The following DNAH5 variants were observed in gnomAD, a reference collection of about 807,000 sequenced individuals.
DNAH5 encodes dynein axonemal heavy chain 5.
A neutral mutation model predicts 518.2 loss-of-function variants in DNAH5; 372 were observed. The observed-to-expected ratio is 0.72, with a 90% CI of 0.66 to 0.78. The LOEUF is 0.78. Ranked by LOEUF, DNAH5 falls within the 30% of genes least tolerant of loss-of-function variation. The probability of loss-of-function intolerance (pLI) is 0.00; values close to 1 mark genes in which losing one functional copy is unlikely to be tolerated. For synonymous variants in DNAH5, 2,039 were observed against 2,025.9 expected (o/e 1.01, Z -0.17); for missense variants, 5,523 against 5,687.0 (o/e 0.97, Z 0.93).
In DNAH5 at chr5:13,763,493, TA is replaced by T. The variant is rs1752056526; in HGVS notation, c.10102-593del. Among the ~76,000 whole-genome samples the T allele has an allele frequency of 2.6e-5, 4 of 152,334 alleles. No individual in the cohort carries two copies. The South Asian group carries it at 8.3e-4, about 32-fold the overall frequency. The stretch of plus-strand genomic sequence containing the variant: ...AGAGAATTATTATCTTCTGGTGGGA[TA>T]AAAATTTAAAATAGTAGCAGAAATG... On this transcript the variant is annotated intron_variant, in intron 59 of 78. Coordinates refer to ENST00000265104, the MANE Select transcript of DNAH5 (RefSeq NM_001369.3).
Position 13,721,017 on chromosome 5 carries a change from G to T in DNAH5, c.12262C>A (p.Gln4088Lys), listed in dbSNP as rs1245106080. The T allele has an allele frequency of 6.2e-7, 1 of 1,614,020 alleles. No homozygotes were observed. The highest frequency in any genetic ancestry group is 1.3e-5 in the African/African-American group (1 of 74,924). Residue 4088 changes from glutamine to lysine, a missense_variant, in exon 71 of 79, where the codon CAG (glutamine) becomes AAG (lysine). This residue lies in a region of DNAH5 where 5,121 missense variants were observed against 5,223.3 expected (regional missense o/e 0.98). Coordinates refer to ENST00000265104, the MANE Select transcript of DNAH5 (RefSeq NM_001369.3). ...AGCCTTACGTTCGCCATGGTCTGCT[G>T]CAAGAGCTTCCGAGCATGGACTTCC... ...GQEVHARKLL[Q>K]QTMANGGWAL...
Position 13,841,691 on chromosome 5 carries a change from C to T in DNAH5, c.5484+1G>A. The T allele has an allele frequency of 6.2e-7, 1 of 1,607,198 alleles. No individual in the cohort carries two copies. The highest frequency in any genetic ancestry group is 8.5e-7 in the Non-Finnish European group (1 of 1,173,812). On this transcript the variant is annotated splice_donor_variant, in intron 33 of 78. Coordinates refer to ENST00000265104, the MANE Select transcript of DNAH5 (RefSeq NM_001369.3). LOFTEE classifies it high-confidence loss of function. ...ATACTTTCAAATTTCAATACACTGACCTGAGCAGGGAAGGATGAAAGAAAT... is the reference window on the plus strand; with the variant it reads ...ATACTTTCAAATTTCAATACACTGATCTGAGCAGGGAAGGATGAAAGAAAT...
intron 57 of DNAH5, among the ~76,000 whole-genome samples, 162 bp from the exon 58 acceptor site, chr5:13,769,298 A>C (rs570089656): frequency 4.5e-5 from 6 of 132,220 alleles, no homozygotes; most frequent in Admixed American, 8.8e-5. Context: ...CCCAGGCTGG[A>C]GTGCAGTAGC....
At chr5:13,749,509 C>T (rs1228899595) in intron 65 of DNAH5, among the ~76,000 whole-genome samples, 4 of 152,158 alleles carry the variant, frequency 2.6e-5, no homozygotes, top group African/African-American at 7.2e-5. Flanking sequence ...CAGTGATGGG[C>T]TTATTTTTGT....
chr5:13,753,564 A>G lies in DNAH5; in HGVS notation c.10556-15T>C, dbSNP rs754992743. 11 of 1,604,752 alleles carry G rather than the reference A, an allele frequency of 6.9e-6. No homozygotes were observed. The highest frequency in any genetic ancestry group is 9.4e-6 in the Non-Finnish European group (11 of 1,172,758). ...CAGTACATCCCCTAAAATAGAAAAC[A>G]AACACCATTGAAATACTTTACGTTC... is the stretch of plus-strand genomic sequence containing the variant. On this transcript the variant is annotated splice_polypyrimidine_tract_variant and intron_variant, in intron 62 of 78. Transcript: ENST00000265104.
intron 7 of DNAH5, among the ~76,000 whole-genome samples, chr5:13,918,907 A>G (rs1353123332): frequency 1.3e-5 from 2 of 152,192 alleles, no homozygotes; most frequent in African/African-American, 4.8e-5. Context: ...AAACATAGAT[A>G]TATATATAAA....
Position 13,801,233 on chromosome 5 carries a change from G to A in DNAH5, c.7887+6358C>T, listed in dbSNP as rs370083978. 1.2e-3 allele frequency among the ~76,000 whole-genome samples: 179 copies of A among 152,230 alleles called. 2 individuals are homozygous for A. The highest frequency in any genetic ancestry group is 4.0e-3 in the African/African-American group (168 of 41,540). On this transcript the variant is annotated intron_variant, in intron 47 of 78. Coordinates refer to ENST00000265104, the MANE Select transcript of DNAH5 (RefSeq NM_001369.3). Reference sequence around the variant, plus strand: ...CCCCCCAGTGCTGTCTCATGAGTGAGTTCTCACGAGATCTGGTTGCTTAAA... The same window carrying A: ...CCCCCCAGTGCTGTCTCATGAGTGAATTCTCACGAGATCTGGTTGCTTAAA...
intron 52 of DNAH5, 150 bp from the exon 53 acceptor site, chr5:13,781,109 GA>G: frequency 1.1e-6 from 1 of 948,582 alleles, no homozygotes; most frequent in Non-Finnish European, 1.6e-6. Context: ...TTGAAGGAAT[GA>G]GGGCATTTCT....
At chr5:13,826,245 G>A (rs902654366) in intron 38 of DNAH5, among the ~76,000 whole-genome samples, 14 of 152,176 alleles carry the variant, frequency 9.2e-5, no homozygotes, top group African/African-American at 3.4e-4. Flanking sequence ...TGTGAACATG[G>A]GTGGTAGGAG....
At chr5:13,727,000 A>G (rs1745828106) in intron 70 of DNAH5, among the ~76,000 whole-genome samples, 1 of 152,234 alleles carries the variant, frequency 6.6e-6, no homozygotes, top group Admixed American at 6.5e-5. Flanking sequence ...CATTTAAACC[A>G]TATGTGAAAT....
rs879634414 is a variant in DNAH5 at position 13,842,414 on chromosome 5, AAAG to A, written c.5272-513_5272-511del. ...AAAGAAAGAAACAGAGCGAGAAAGA[AAAG>A]AAAAGAAAAGAAAGAAAGAAAGAAA... On this transcript the variant is annotated intron_variant, in intron 32 of 78. Coordinates refer to ENST00000265104, the MANE Select transcript of DNAH5 (RefSeq NM_001369.3). Among the ~76,000 whole-genome samples the A allele has an allele frequency of 9.2e-3, 1,192 of 128,880 alleles. 13 individuals carry two copies. Among genetic ancestry groups the A allele is most frequent in the Middle Eastern group, 0.022 (6 of 276 alleles). The allele number at this position is 128,880 out of a possible 152,430, so 84.6% of individuals were successfully genotyped here.
Position 13,892,021 on chromosome 5 carries a change from G to A in DNAH5, c.2432-900C>T, listed in dbSNP as rs150395227. The stretch of plus-strand genomic sequence containing the variant: ...TGAAATTGAATACAGGAAAGTCAAC[G>A]TTACATACCAACGCTGTATCGGAGA... On this transcript the variant is annotated intron_variant, in intron 16 of 78. Transcript: ENST00000265104. Among the ~76,000 whole-genome samples the A allele has an allele frequency of 8.5e-5, 13 of 152,210 alleles. No homozygotes were observed. The East Asian group carries it at 1.9e-3, about 23-fold the overall frequency.
chr5:13,876,959 G>T, intron 21 of DNAH5, 142 bp from the exon 22 acceptor site: 1 of 849,750 alleles, frequency 1.2e-6, no homozygotes, highest in Non-Finnish European at 1.8e-6. Flanking sequence ...AATGGAAAGA[G>T]TTGTCAATGT....
intron 47 of DNAH5, among the ~76,000 whole-genome samples, chr5:13,797,288 T>A (rs910125332): frequency 6.6e-6 from 1 of 152,176 alleles, no homozygotes; most frequent in Non-Finnish European, 1.5e-5. Flanking sequence ...GAGAAAATTT[T>A]TGCAATCTAC....
chr5:13,805,149 T>C (rs971181795), intron 47 of DNAH5, among the ~76,000 whole-genome samples: 1 of 152,112 alleles, frequency 6.6e-6, no homozygotes, highest in Non-Finnish European at 1.5e-5. Flanking sequence ...GTTGAAGTTT[T>C]AAGTCACATG....
At chr5:13,835,933 G>A (rs373325681) in intron 35 of DNAH5, among the ~76,000 whole-genome samples, 7 of 152,118 alleles carry the variant, frequency 4.6e-5, no homozygotes, top group African/African-American at 1.7e-4. Flanking sequence ...GGGTGAAAAT[G>A]GTCACATTCT....
At chr5:13,942,349 T>C (rs117049926) in intron 1 of DNAH5, among the ~76,000 whole-genome samples, 4,081 of 152,276 alleles carry the variant, frequency 0.027, 82 homozygotes, top group South Asian at 0.049. Flanking sequence ...TATGGACTTG[T>C]AGTTAAATAC....
At chr5:13,917,103 G>T (rs770843450) in intron 8 of DNAH5, 40 bp downstream of exon 8, 1 of 1,460,190 alleles carries the variant, frequency 6.8e-7, no homozygotes, top group Non-Finnish European at 9.6e-7. Context: ...GTGCAAAAAG[G>T]GTTATCTATA....
chr5:13,868,511 C>T (rs943630034), intron 24 of DNAH5, among the ~76,000 whole-genome samples: 1 of 152,106 alleles, frequency 6.6e-6, no homozygotes, highest in Non-Finnish European at 1.5e-5. Flanking sequence ...CATGTAAAAT[C>T]CTGGATGGCT....
Sources: gnomAD v4.1 joint callset for allele counts (sites outside exome capture counted in the v4.1 genomes callset) on GRCh38, gnomAD v4.1.1 for gene constraint, gnomAD v4.1.1 regional missense constraint, MANE v1.5 for transcripts, NCBI Gene and HGNC (gene_info 2026-07-23, HGNC 2026-07-21) for gene names.